Variants in EFHD2 observed in about 807,000 individuals in gnomAD.
EFHD2 encodes the protein EF-hand domain family member D2.
Under a neutral mutation model 20.3 loss-of-function variants are expected in EFHD2, and 12 were observed. That is an observed-to-expected ratio of 0.59 (90% CI 0.38 to 0.96). EFHD2 has a LOEUF of 0.96. Ranked by LOEUF, EFHD2 falls within the 40% of genes least tolerant of loss-of-function variation. The pLI is 0.00. For synonymous variants in EFHD2, 131 were observed against 143.9 expected (o/e 0.91, Z 0.64); for missense variants, 250 against 334.3 (o/e 0.75, Z 1.97).
intron 1 of EFHD2, among the ~76,000 whole-genome samples, chr1:15,418,012 CAG>C (rs1362089925): frequency 1.0e-5 from 1 of 97,158 alleles, no homozygotes; most frequent in African/African-American, 4.3e-5. Flanking sequence ...TTTTTTGAGA[CAG>C]AGTCTTGCTC....
rs1425089037 is a variant in EFHD2 at position 15,429,628 on chromosome 1, G to A, written c.*904G>A. The A allele has an allele frequency of 2.0e-5, 3 of 152,584 alleles. No homozygotes were observed. Among genetic ancestry groups the A allele is most frequent in the East Asian group, 3.9e-4 (2 of 5,194 alleles). 9.5% of individuals were successfully genotyped at this position (152,584 alleles called of 1,614,324 possible). On this transcript the variant is annotated 3_prime_UTR_variant, in exon 4 of 4. Coordinates refer to ENST00000375980, the MANE Select transcript of EFHD2 (RefSeq NM_024329.6). ...GCGCTTCGCCTTGATTCTCCGAGAA[G>A]CCTCCGAGAAGTGCTTTAAGTGTGT...
At chr1:15,412,747 G>A (rs1707559924) in intron 1 of EFHD2, among the ~76,000 whole-genome samples, 2 of 152,234 alleles carry the variant, frequency 1.3e-5, no homozygotes. Flanking sequence ...GTGGTTGGAA[G>A]TGGCATGCAG....
Position 15,429,007 on chromosome 1 carries a change from T to G in EFHD2, c.*283T>G. The G allele has an allele frequency of 2.5e-6, 1 of 407,576 alleles. No homozygotes were observed. Among genetic ancestry groups the G allele is most frequent in the Middle Eastern group, 7.6e-4 (1 of 1,310 alleles). The allele number at this position is 407,576 out of a possible 1,614,324, so 25.2% of individuals were successfully genotyped here. ...CTTGCACCCCTAACTGCCCCCTGCCTGCTCCGGCACTGCCCCAGGCCCAGC... is the reference window on the plus strand; with the variant it reads ...CTTGCACCCCTAACTGCCCCCTGCCGGCTCCGGCACTGCCCCAGGCCCAGC... On this transcript the variant is annotated 3_prime_UTR_variant, in exon 4 of 4. Transcript: ENST00000375980.
rs2496319 is a variant in EFHD2, at chr1:15,417,987, T to C, written c.308+7708T>C. ...AGCAACTTTCTTTCTTTTTCTTTTT[T>C]TTTTTTTTTTTTTTTTTTTTGAGAC... On this transcript the variant is annotated intron_variant, in intron 1 of 3. Coordinates refer to ENST00000375980, the MANE Select transcript of EFHD2 (RefSeq NM_024329.6). Among the ~76,000 whole-genome samples, 367 of 77,844 alleles carry C rather than the reference T, an allele frequency of 4.7e-3. 4 individuals are homozygous for C. The highest frequency in any genetic ancestry group is 0.017 in the African/African-American group (177 of 10,648). 51.1% of individuals were successfully genotyped at this position (77,844 alleles called of 152,430 possible). A position where few individuals can be genotyped will look rare whatever the true frequency, so the allele number is the denominator to read the frequency against.
rs1707944157 is a variant in EFHD2 at position 15,430,125 on chromosome 1, C to T, written c.*1401C>T. 1 of 152,392 alleles carries T rather than the reference C, an allele frequency of 6.6e-6. No homozygotes were observed. The highest frequency in any genetic ancestry group is 2.1e-4 in the South Asian group (1 of 4,842). The allele number at this position is 152,392 out of a possible 1,614,324, so 9.4% of individuals were successfully genotyped here. A position where few individuals can be genotyped will look rare whatever the true frequency, so the allele number is the denominator to read the frequency against. ...TGCAGAAATTAGGAGGCACCGAGCC[C>T]AGCGCAGCAGCCTCGGACCCGGATT... is the stretch of plus-strand genomic sequence containing the variant. On this transcript the variant is annotated 3_prime_UTR_variant, in exon 4 of 4. Coordinates refer to ENST00000375980, the MANE Select transcript of EFHD2 (RefSeq NM_024329.6).
At chr1:15,416,333 C>A (rs114026605) in intron 1 of EFHD2, among the ~76,000 whole-genome samples, 7 of 152,198 alleles carry the variant, frequency 4.6e-5, no homozygotes, top group Non-Finnish European at 8.8e-5. Flanking sequence ...CCAGCCCTGC[C>A]GGCAGAGGCA....
At chr1:15,411,757 G>A (rs1426637330) in intron 1 of EFHD2, among the ~76,000 whole-genome samples, 1 of 152,170 alleles carries the variant, frequency 6.6e-6, no homozygotes, top group Non-Finnish European at 1.5e-5. Flanking sequence ...GGCAAGGCCG[G>A]CTCCCGCTTG....
chr1:15,418,531 TC>T (rs1250584163), intron 1 of EFHD2, among the ~76,000 whole-genome samples: 2 of 149,120 alleles, frequency 1.3e-5, no homozygotes, highest in Admixed American at 6.7e-5. Context: ...GGTCTCAATC[TC>T]CTGACCTTGT....
At chr1:15,411,003 T>A (rs1375760338) in intron 1 of EFHD2, among the ~76,000 whole-genome samples, 1 of 151,850 alleles carries the variant, frequency 6.6e-6, no homozygotes. Context: ...GTGGTCTCCT[T>A]AGGAAGGGAC....
At position 15,426,032 on chromosome 1, in the gene EFHD2, C is replaced by G. The variant is rs1185645609; in HGVS notation, c.456+14C>G. 6.4e-7 allele frequency: 1 copy of G among 1,560,046 alleles called. No homozygotes were observed. The highest frequency in any genetic ancestry group is 2.4e-5 in the East Asian group (1 of 41,138). Reference sequence around the variant, plus strand: ...AGCTTCCGGGAGGTAAGCCCGGCCCCCAGCCCCACTCCCCTACCAGGGGCT... The same window carrying G: ...AGCTTCCGGGAGGTAAGCCCGGCCCGCAGCCCCACTCCCCTACCAGGGGCT... On this transcript the variant is annotated intron_variant, in intron 2 of 3. Transcript: ENST00000375980. This position sits in a 1 kb window ranked among gnomAD's most constrained non-coding sequence, Gnocchi z 4.6.
At position 15,426,073 on chromosome 1, in the gene EFHD2, G is replaced by GGT; in HGVS notation, c.456+55_456+56insGT. The GGT allele has an allele frequency of 6.6e-7, 1 of 1,510,928 alleles. No homozygotes were observed. Among genetic ancestry groups the GGT allele is most frequent in the Non-Finnish European group, 8.8e-7 (1 of 1,133,422 alleles). The allele number at this position is 1,510,928 out of a possible 1,614,324, so 93.6% of individuals were successfully genotyped here. A position where few individuals can be genotyped will look rare whatever the true frequency, so the allele number is the denominator to read the frequency against. On this transcript the variant is annotated intron_variant, in intron 2 of 3. Coordinates refer to ENST00000375980, the MANE Select transcript of EFHD2 (RefSeq NM_024329.6). This position sits in a 1 kb window ranked among gnomAD's most constrained non-coding sequence, Gnocchi z 4.6. ...ACCAGGGGCTTCACCTGAGGACCTGGTGGCCCGGGAGAGACCAACCCCCAC... is the reference window on the plus strand; with the variant it reads ...ACCAGGGGCTTCACCTGAGGACCTGGGTTGGCCCGGGAGAGACCAACCCCCAC...
At position 15,413,634 on chromosome 1, in the gene EFHD2, C is replaced by G. The variant is rs555693255; in HGVS notation, c.308+3355C>G. 8.5e-5 allele frequency among the ~76,000 whole-genome samples: 13 copies of G among 152,248 alleles called. No individual in the cohort carries two copies. In the South Asian group the frequency reaches 2.5e-3, roughly 29 times the overall value. ...TCATTCAGGTTCCTCCTGAGAGAGACCTGAAGGGTTGACTCCAACCCCTCT... is the reference window on the plus strand; with the variant it reads ...TCATTCAGGTTCCTCCTGAGAGAGAGCTGAAGGGTTGACTCCAACCCCTCT... On this transcript the variant is annotated intron_variant, in intron 1 of 3. Coordinates refer to ENST00000375980, the MANE Select transcript of EFHD2 (RefSeq NM_024329.6). This position sits in a 1 kb window ranked among gnomAD's most constrained non-coding sequence, Gnocchi z 4.4.
rs772273784 is a variant in EFHD2, at chr1:15,428,691, G to A, written c.690G>A (p.Ala230=). Residue 230 remains alanine, a synonymous_variant, in exon 4 of 4, where the codon GCG becomes GCA. Coordinates refer to ENST00000375980, the MANE Select transcript of EFHD2 (RefSeq NM_024329.6). ...KQAEEMKQRK[A]AFKELQSTFK is the part of the protein sequence containing the mutation. Reference sequence around the variant, plus strand: ...CGGAGGAGATGAAGCAGCGGAAAGCGGCCTTCAAGGAGCTGCAGTCCACCT... The same window carrying A: ...CGGAGGAGATGAAGCAGCGGAAAGCAGCCTTCAAGGAGCTGCAGTCCACCT... The A allele has an allele frequency of 1.8e-5, 29 of 1,599,410 alleles. No individual in the cohort carries two copies. Among genetic ancestry groups the A allele is most frequent in the East Asian group, 2.3e-5 (1 of 44,254 alleles).
intron 1 of EFHD2, among the ~76,000 whole-genome samples, chr1:15,412,618 C>T (rs1203740207): frequency 6.6e-6 from 1 of 152,170 alleles, no homozygotes; most frequent in Non-Finnish European, 1.5e-5. Flanking sequence ...TCCTTTCCCC[C>T]AGAGCCTGCC....
Position 15,426,104 on chromosome 1 carries a change from G to A in EFHD2, c.456+86G>A, listed in dbSNP as rs1707869669. The A allele has an allele frequency of 7.4e-7, 1 of 1,355,630 alleles. No homozygotes were observed. The highest frequency in any genetic ancestry group is 9.8e-7 in the Non-Finnish European group (1 of 1,021,256). 84.0% of individuals were successfully genotyped at this position (1,355,630 alleles called of 1,614,324 possible). On this transcript the variant is annotated intron_variant, in intron 2 of 3. Transcript: ENST00000375980. This position sits in a 1 kb window ranked among gnomAD's most constrained non-coding sequence, Gnocchi z 4.6. ...CGGGAGAGACCAACCCCCACCCTTT[G>A]TCAATGAATGAATGACATTGCCATT...
At chr1:15,428,459 C>T (rs1412451356) in intron 3 of EFHD2, 134 bp from the exon 4 acceptor site, 6 of 1,156,282 alleles carry the variant, frequency 5.2e-6, no homozygotes, top group African/African-American at 1.6e-5. Context: ...ATTGCGCCAT[C>T]GCACTCCAGC....
intron 1 of EFHD2, among the ~76,000 whole-genome samples, chr1:15,423,095 C>T (rs1188662939): frequency 6.6e-6 from 1 of 152,184 alleles, no homozygotes; most frequent in Admixed American, 6.5e-5. Context: ...CCCGCCCAGC[C>T]CTCTACCAGG....
chr1:15,425,144 C>T (rs1707852101), intron 1 of EFHD2, among the ~76,000 whole-genome samples: 1 of 152,118 alleles, frequency 6.6e-6, no homozygotes, highest in African/African-American at 2.4e-5. Context: ...CTCCAAGTGC[C>T]CATGGAGATG....
chr1:15,420,619 A>G (rs1174487657), intron 1 of EFHD2, among the ~76,000 whole-genome samples: 1 of 152,188 alleles, frequency 6.6e-6, no homozygotes, highest in Non-Finnish European at 1.5e-5. Context: ...TCCTGGGTTC[A>G]AGCAATTCTC....
Sources: allele counts gnomAD v4.1 joint callset (sites outside exome capture counted in the v4.1 genomes callset), GRCh38; gene constraint gnomAD v4.1.1; non-coding constraint Gnocchi (gnomAD v3.1); transcripts MANE v1.5; gene names NCBI Gene and HGNC (gene_info 2026-07-23, HGNC 2026-07-21).